S100PBP: variants seen among roughly 807,000 people sequenced by gnomAD.
S100PBP encodes the protein S100P-binding protein.
Under a neutral mutation model 39.9 loss-of-function variants are expected in S100PBP, and 15 were observed. That is an observed-to-expected ratio of 0.38 (90% confidence interval 0.25 to 0.58). The LOEUF (loss-of-function observed/expected upper bound fraction) is 0.58. Among genes scored for constraint, S100PBP ranks in the 20% least tolerant of loss-of-function variants. The pLI, the probability that S100PBP is intolerant of heterozygous loss-of-function variation, is 0.70. For missense variants in S100PBP, 504 were observed against 487.3 expected (o/e 1.03, Z -0.32); for synonymous variants, 178 against 180.3 (o/e 0.99, Z 0.10).
intron 1 of S100PBP, among the ~76,000 whole-genome samples, chr1:32,822,465 T>G: frequency 6.6e-6 from 1 of 151,792 alleles, no homozygotes; most frequent in African/African-American, 2.4e-5. Flanking sequence ...ATACAAAAAT[T>G]AGCCAGGCGT....
At chr1:32,850,848 A>G (rs1361747335) in intron 5 of S100PBP, among the ~76,000 whole-genome samples, 1 of 152,210 alleles carries the variant, frequency 6.6e-6, no homozygotes, top group Non-Finnish European at 1.5e-5. Flanking sequence ...GTCATAGTTT[A>G]TGTGTGGATG....
At chr1:32,824,721 C>T (rs10914623) in intron 1 of S100PBP, among the ~76,000 whole-genome samples, 20,712 of 151,114 alleles carry the variant, frequency 0.14, 1,763 homozygotes, top group South Asian at 0.23. Flanking sequence ...TGCCACCATG[C>T]GCCGCTGATT....
chr1:32,830,816 C>A (rs1639563847), intron 5 of S100PBP, among the ~76,000 whole-genome samples: 1 of 152,164 alleles, frequency 6.6e-6, no homozygotes, highest in Admixed American at 6.5e-5. Context: ...GAGGCAGAGG[C>A]AGGCAGGTCA....
At chr1:32,852,385 C>G (rs531321325) in intron 5 of S100PBP, among the ~76,000 whole-genome samples, 4 of 151,560 alleles carry the variant, frequency 2.6e-5, no homozygotes, top group Non-Finnish European at 5.9e-5. Flanking sequence ...TTAATAACAT[C>G]TATCTCCATG....
intron 5 of S100PBP, among the ~76,000 whole-genome samples, chr1:32,839,979 T>A (rs552777747): frequency 2.1e-4 from 32 of 151,838 alleles, no homozygotes; most frequent in African/African-American, 7.0e-4. Flanking sequence ...ACCTGACTAA[T>A]TTTTTGTTTT....
In S100PBP at chr1:32,826,848, T is replaced by C. The variant is rs775620743; in HGVS notation, c.749T>C (p.Met250Thr). ...TCAGACCATTCAGAGACTCCTAATA[T>C]GGAGTTATCCTGCAGAAATGGTGGT... The part of the protein sequence containing the change: ...RISDHSETPN[M>T]ELSCRNGGSH... The change falls in exon 3 of 7, where the codon ATG becomes ACG. Residue 250 changes from methionine to threonine, a missense_variant. Coordinates refer to ENST00000373475, the MANE Select transcript of S100PBP (RefSeq NM_022753.4). The C allele has an allele frequency of 3.7e-6, 6 of 1,613,842 alleles. No individual in the cohort carries two copies. Among genetic ancestry groups the C allele is most frequent in the East Asian group, 2.2e-5 (1 of 44,890 alleles).
intron 1 of S100PBP, chr1:32,824,947 G>T (rs930596059): frequency 2.0e-5 from 3 of 151,666 alleles, no homozygotes; most frequent in African/African-American, 7.3e-5. Context: ...TTTTGTAAAT[G>T]AGGAAACAAG....
intron 5 of S100PBP, chr1:32,836,671 A>G (rs1404863801): frequency 1.4e-6 from 1 of 691,692 alleles, no homozygotes; most frequent in East Asian, 1.3e-4. Flanking sequence ...CTACTGCTCC[A>G]ATTTGCACTG....
intron 5 of S100PBP, among the ~76,000 whole-genome samples, chr1:32,839,014 C>CAAAA (rs1486155864): frequency 3.3e-5 from 5 of 152,042 alleles, no homozygotes; most frequent in Non-Finnish European, 7.4e-5. Flanking sequence ...AGGTTAGGCT[C>CAAAA]AAACACCTAG....
intron 5 of S100PBP, chr1:32,834,786 C>T (rs1046125999): frequency 6.6e-6 from 1 of 152,140 alleles, no homozygotes; most frequent in Admixed American, 6.6e-5. Flanking sequence ...CACCTAATTG[C>T]TTGAGCATTT....
At chr1:32,855,269 T>G (rs553107438) in intron 6 of S100PBP, among the ~76,000 whole-genome samples, 14 of 152,340 alleles carry the variant, frequency 9.2e-5, no homozygotes, top group African/African-American at 3.4e-4. Flanking sequence ...TTTTAAATTT[T>G]AGAATGCGTA....
chr1:32,842,074 T>C (rs1384374546), intron 5 of S100PBP, among the ~76,000 whole-genome samples: 1 of 149,630 alleles, frequency 6.7e-6, no homozygotes, highest in Non-Finnish European at 1.5e-5. Flanking sequence ...CTGTAGTCCT[T>C]GCTACTCAGA....
chr1:32,819,663 T>A (rs1306062136), intron 1 of S100PBP, among the ~76,000 whole-genome samples: 1 of 152,234 alleles, frequency 6.6e-6, no homozygotes, highest in Non-Finnish European at 1.5e-5. Context: ...GACAGAGAAG[T>A]AAGCAAGCCT....
chr1:32,850,902 G>A (rs551336073), intron 5 of S100PBP, among the ~76,000 whole-genome samples: 2 of 152,326 alleles, frequency 1.3e-5, no homozygotes, highest in East Asian at 1.9e-4. Context: ...CACAGGATTT[G>A]CAGAGTCTTT....
At chr1:32,841,503 G>T (rs1640092887) in intron 5 of S100PBP, among the ~76,000 whole-genome samples, 2 of 152,054 alleles carry the variant, frequency 1.3e-5, no homozygotes, top group South Asian at 4.1e-4. Context: ...GCCAAGGCAG[G>T]CAGATCACCT....
In S100PBP at chr1:32,826,731, A is replaced by C; in HGVS notation, c.632A>C (p.Gln211Pro). ...SPNNSAWNGPQLSSSNNNFQQ... is the reference protein window; with the variant it reads ...SPNNSAWNGPPLSSSNNNFQQ... ...AATAACTCTGCCTGGAATGGGCCCC[A>C]GCTCTCTTCTTCAAACAATAACTTT... is the stretch of plus-strand genomic sequence containing the variant. The change falls in exon 3 of 7, where the codon CAG becomes CCG. Residue 211 changes from glutamine to proline, a missense_variant. Physicochemically the swap from Gln to Pro is moderately conservative, Grantham distance 76 (BLOSUM62 -1). Coordinates refer to ENST00000373475, the MANE Select transcript of S100PBP (RefSeq NM_022753.4). The C allele has an allele frequency of 6.2e-7, 1 of 1,614,162 alleles. No homozygotes were observed. Among genetic ancestry groups the C allele is most frequent in the Non-Finnish European group, 8.5e-7 (1 of 1,180,004 alleles).
chr1:32,842,236 T>TATATAC (rs372174677), intron 5 of S100PBP, among the ~76,000 whole-genome samples: 1,605 of 80,784 alleles, frequency 0.02, 15 homozygotes, highest in East Asian at 0.036. Flanking sequence ...TATATATATA[T>TATATAC]ACACACACAC....
chr1:32,836,134 CT>C (rs781749587), intron 5 of S100PBP: 1,761 of 137,324 alleles, frequency 0.013, 22 homozygotes, highest in African/African-American at 0.036. Flanking sequence ...TTTTTTTGTG[CT>C]TTTTTTTTTT....
intron 5 of S100PBP, among the ~76,000 whole-genome samples, chr1:32,841,272 A>G (rs1455662966): frequency 6.6e-6 from 1 of 152,174 alleles, no homozygotes; most frequent in Non-Finnish European, 1.5e-5. Context: ...TAATTTGGAA[A>G]TATTTTCTCC....
Sources: gnomAD v4.1 joint callset for allele counts (sites outside exome capture counted in the v4.1 genomes callset) on GRCh38, gnomAD v4.1.1 for gene constraint, MANE v1.5 for transcripts, NCBI Gene and HGNC (gene_info 2026-07-23, HGNC 2026-07-21) for gene names.